LRRC37A2: variants seen among roughly 807,000 people sequenced by gnomAD.
LRRC37A2 encodes leucine-rich repeat-containing protein 37A2.
LRRC37A2 carries 9 observed loss-of-function variants against 68.8 expected under a neutral mutation model. That is an observed-to-expected ratio of 0.13 (90% confidence interval 0.08 to 0.23). The LOEUF is 0.23. LRRC37A2 is among the 10% of genes least tolerant of loss of function. LRRC37A2 has a pLI of 1.00. For synonymous variants in LRRC37A2, 63 were observed against 367.6 expected (o/e 0.17, Z 9.48); for missense variants, 168 against 950.4 (o/e 0.18, Z 10.82).
chr17:46,722,204 G>A, the LRRC37A2 span: 4 of 1,550,314 alleles, frequency 2.6e-6, no homozygotes, highest in Non-Finnish European at 3.6e-6. Context: ...GCCTGCTTAG[G>A]AAGAGACCCA....
At chr17:46,785,136 T>A in the LRRC37A2 span, among the ~76,000 whole-genome samples, 2 of 152,164 alleles carry the variant, frequency 1.3e-5, no homozygotes, top group Non-Finnish European at 2.9e-5. Flanking sequence ...TGCCTTCCCT[T>A]GGGGACCCCT....
chr17:46,839,950 T>TTCTTTCTTTCTTTC, the LRRC37A2 span, among the ~76,000 whole-genome samples: 3 of 148,880 alleles, frequency 2.0e-5, no homozygotes, highest in African/African-American at 5.0e-5. Flanking sequence ...CTTTCTTTCT[T>TTCTTTCTTTCTTTC]TCTTTCTTTC....
At chr17:46,420,857 C>T in the LRRC37A2 span, among the ~76,000 whole-genome samples, 3 of 23,026 alleles carry the variant, frequency 1.3e-4, no homozygotes, top group East Asian at 1.3e-3. Context: ...TGGAGTGCAG[C>T]GGCACCATCT....
chr17:46,381,672 ATACTCTTTCGTAT>A, the LRRC37A2 span, among the ~76,000 whole-genome samples: 6 of 69,822 alleles, frequency 8.6e-5, no homozygotes, highest in Non-Finnish European at 1.9e-4. Context: ...TCTCAGTGAG[ATACTCTTTCGTAT>A]TTTAGTACTG....
the LRRC37A2 span, chr17:46,998,759 A>C: frequency 6.6e-6 from 1 of 152,220 alleles, no homozygotes; most frequent in Non-Finnish European, 1.5e-5. Context: ...CTGGCCATCC[A>C]TCCTGGTCTG....
At chr17:46,792,090 G>A in the LRRC37A2 span, among the ~76,000 whole-genome samples, 18 of 152,242 alleles carry the variant, frequency 1.2e-4, no homozygotes, top group African/African-American at 2.9e-4. Flanking sequence ...TAGAAATAGC[G>A]AACATTTAAA....
At chr17:46,752,764 CTTTT>C in the LRRC37A2 span, among the ~76,000 whole-genome samples, 3 of 151,676 alleles carry the variant, frequency 2.0e-5, no homozygotes, top group Non-Finnish European at 2.9e-5. Flanking sequence ...CCCTCGGTAA[CTTTT>C]TTTCTTTTTT....
chr17:46,913,062 G>C, the LRRC37A2 span, among the ~76,000 whole-genome samples: 1 of 152,216 alleles, frequency 6.6e-6, no homozygotes, highest in Admixed American at 6.5e-5. Context: ...AGCCACGGCT[G>C]TCCCAGTGCC....
the LRRC37A2 span, among the ~76,000 whole-genome samples, chr17:46,774,408 C>T: frequency 6.6e-6 from 1 of 152,242 alleles, no homozygotes; most frequent in African/African-American, 2.4e-5. Context: ...CTCTTCCCTG[C>T]GATGGTGCCA....
the LRRC37A2 span, chr17:46,768,919 G>C: frequency 6.9e-7 from 1 of 1,440,212 alleles, no homozygotes; most frequent in East Asian, 2.4e-5. The surrounding 1 kb of genome is among the most constrained non-coding windows in gnomAD (Gnocchi z 5.0). Context: ...CTCTGTGACA[G>C]GAAGAGAACT....
the LRRC37A2 span, among the ~76,000 whole-genome samples, chr17:46,865,074 G>A: frequency 1.3e-5 from 2 of 152,228 alleles, no homozygotes; most frequent in African/African-American, 4.8e-5. Context: ...ACCCTCCGCA[G>A]CCACTGTGAC....
At chr17:46,959,871 C>A in the LRRC37A2 span, among the ~76,000 whole-genome samples, 10 of 152,290 alleles carry the variant, frequency 6.6e-5, no homozygotes, top group East Asian at 1.5e-3. Flanking sequence ...CTCTCCTGGA[C>A]TGAGCAGGAA....
the LRRC37A2 span, among the ~76,000 whole-genome samples, chr17:46,882,909 A>G: frequency 6.6e-6 from 1 of 151,972 alleles, no homozygotes; most frequent in East Asian, 1.9e-4. Flanking sequence ...TCCACCCCAC[A>G]CAGGCATTCC....
chr17:46,745,243 T>C, the LRRC37A2 span, among the ~76,000 whole-genome samples: 1 of 152,230 alleles, frequency 6.6e-6, no homozygotes, highest in African/African-American at 2.4e-5. Context: ...TATTCGGAGC[T>C]GTTTTTCATG....
At chr17:46,904,431 T>G in the LRRC37A2 span, among the ~76,000 whole-genome samples, 7 of 145,052 alleles carry the variant, frequency 4.8e-5, no homozygotes, top group East Asian at 1.4e-3. Context: ...CGTGGGTGGC[T>G]GGGTGGCTGG....
chr17:46,848,272 C>G, the LRRC37A2 span, among the ~76,000 whole-genome samples: 1 of 152,194 alleles, frequency 6.6e-6, no homozygotes, highest in Admixed American at 6.5e-5. Flanking sequence ...GGAAGGAGTG[C>G]TTCCGTCACC....
chr17:46,791,851 G>A, the LRRC37A2 span, among the ~76,000 whole-genome samples: 1 of 152,184 alleles, frequency 6.6e-6, no homozygotes, highest in African/African-American at 2.4e-5. Flanking sequence ...ATCAGCCTGG[G>A]CAACACAGCG....
chr17:47,043,480 CAG>C, the LRRC37A2 span, among the ~76,000 whole-genome samples: 1 of 143,998 alleles, frequency 6.9e-6, no homozygotes, highest in African/African-American at 2.5e-5. Flanking sequence ...GCCCGGGCGA[CAG>C]AGTGAGACTC....
the LRRC37A2 span, among the ~76,000 whole-genome samples, chr17:46,811,887 G>A: frequency 6.6e-6 from 1 of 152,164 alleles, no homozygotes; most frequent in African/African-American, 2.4e-5. Flanking sequence ...AACTCGGGAG[G>A]CAGAAGTTGC....
Sources: gnomAD v4.1 joint callset for allele counts (sites outside exome capture counted in the v4.1 genomes callset) on GRCh38, gnomAD v4.1.1 for gene constraint, Gnocchi (gnomAD v3.1) non-coding constraint, MANE v1.5 for transcripts, NCBI Gene and HGNC (gene_info 2026-07-23, HGNC 2026-07-21) for gene names.